TDRD10: variants seen among roughly 807,000 people sequenced by gnomAD.
TDRD10 encodes tudor domain-containing protein 10.
Under a neutral mutation model 48.0 loss-of-function variants are expected in TDRD10, and 40 were observed. The observed-to-expected ratio is 0.83, with a 90% CI of 0.65 to 1.09. The LOEUF (loss-of-function observed/expected upper bound fraction) is 1.09, where lower values mean the gene tolerates loss of function less well. TDRD10 is among the 50% of genes least tolerant of loss of function. The pLI is 0.00. For synonymous variants in TDRD10, 162 were observed against 170.4 expected, an observed-to-expected ratio of 0.95 and a Z score of 0.38; for missense variants, 378 against 434.7, an observed-to-expected ratio of 0.87 and a Z score of 1.16.
intron 1 of TDRD10, among the ~76,000 whole-genome samples, chr1:154,505,387 C>G (rs1214215303): frequency 6.6e-6 from 1 of 152,162 alleles, no homozygotes; most frequent in Non-Finnish European, 1.5e-5. Context: ...CCAGAGATTA[C>G]CAGGAACTGG....
At chr1:154,508,322 C>T in intron 3 of TDRD10, 101 bp from the exon 4 acceptor site, 2 of 803,456 alleles carry the variant, frequency 2.5e-6, no homozygotes, top group Admixed American at 4.0e-5. Flanking sequence ...TGAGACCAGA[C>T]TGGGCAACAT....
chr1:154,536,749 G>A (rs961373018), intron 6 of TDRD10, among the ~76,000 whole-genome samples: 1 of 152,158 alleles, frequency 6.6e-6, no homozygotes, highest in African/African-American at 2.4e-5. Flanking sequence ...TCCTGTAAAT[G>A]GCATCAGGCT....
intron 1 of TDRD10, 96 bp from the exon 2 acceptor site, chr1:154,506,781 G>A: frequency 3.8e-6 from 4 of 1,057,840 alleles, no homozygotes; most frequent in African/African-American, 1.6e-5. Context: ...TTTTGGTTGG[G>A]GAGGCATTAT....
chr1:154,546,485 G>GTGATA (rs1481042880), intron 11 of TDRD10, among the ~76,000 whole-genome samples: 3 of 139,480 alleles, frequency 2.2e-5, no homozygotes, highest in Non-Finnish European at 4.6e-5. Context: ...TATATAATAC[G>GTGATA]TGATATATAT....
chr1:154,547,599 G>T (rs377635961), intron 12 of TDRD10, 79 bp from the exon 13 acceptor site: 1 of 1,614,184 alleles, frequency 6.2e-7, no homozygotes, highest in Non-Finnish European at 8.5e-7. Context: ...TAGATCAAAC[G>T]AACTGGTTAT....
At chr1:154,507,115 A>G (rs1288349017) in intron 2 of TDRD10, 126 bp from the exon 3 acceptor site, 6 of 1,533,616 alleles carry the variant, frequency 3.9e-6, no homozygotes, top group African/African-American at 1.4e-5. Context: ...TGGGAGGAGG[A>G]AGGGAAGCCT....
At chr1:154,547,315 C>G (rs1695655677) in intron 11 of TDRD10, 94 bp from the exon 12 acceptor site, 1 of 1,392,198 alleles carries the variant, frequency 7.2e-7, no homozygotes, top group Non-Finnish European at 1.0e-6. Context: ...GGCCAGAGCA[C>G]TTTCCCTGCA....
intron 6 of TDRD10, among the ~76,000 whole-genome samples, chr1:154,532,545 G>A (rs1240235154): frequency 6.6e-6 from 1 of 152,224 alleles, no homozygotes; most frequent in Non-Finnish European, 1.5e-5. Flanking sequence ...GGGCTGAAGG[G>A]CTCCTCAAGC....
chr1:154,526,203 CAAA>C (rs58688953), intron 6 of TDRD10, among the ~76,000 whole-genome samples: 28 of 110,394 alleles, frequency 2.5e-4, no homozygotes, highest in Admixed American at 3.7e-4. Flanking sequence ...GACTTCATCT[CAAA>C]AAAAAAAAAA....
intron 9 of TDRD10, 65 bp from the exon 10 acceptor site, chr1:154,544,307 C>A: frequency 6.5e-7 from 1 of 1,547,822 alleles, no homozygotes. Context: ...TAACAGGTGA[C>A]GTCTACGGAG....
At chr1:154,540,032 G>T (rs959323456) in intron 6 of TDRD10, among the ~76,000 whole-genome samples, 1 of 152,202 alleles carries the variant, frequency 6.6e-6, no homozygotes, top group African/African-American at 2.4e-5. Context: ...GCATCCATTG[G>T]TACAGCCTTG....
Position 154,512,644 on chromosome 1 carries a change from A to G in TDRD10, c.141+4163A>G, listed in dbSNP as rs1229896440. ...CAGGCGAGAGGTACTGCACCCGGTGACTTTTTCCTCTTTTAAGATGCATAT... is the reference window on the plus strand; with the variant it reads ...CAGGCGAGAGGTACTGCACCCGGTGGCTTTTTCCTCTTTTAAGATGCATAT... On this transcript the variant is annotated intron_variant, in intron 4 of 12. Coordinates refer to ENST00000368482, the MANE Select transcript of TDRD10 (RefSeq NM_182499.4). Among the ~76,000 whole-genome samples the G allele has an allele frequency of 5.9e-5, 9 of 152,078 alleles. No homozygotes were observed. In the East Asian group the frequency reaches 1.7e-3, roughly 29 times the overall value.
chr1:154,533,730 TG>T (rs983804363), intron 6 of TDRD10, among the ~76,000 whole-genome samples: 2 of 151,980 alleles, frequency 1.3e-5, no homozygotes, highest in African/African-American at 4.8e-5. Flanking sequence ...CTCGAACTCC[TG>T]GGCTCAAGCA....
At position 154,544,056 on chromosome 1, in the gene TDRD10, GGTGAC is replaced by G. The variant is rs1260849442; in HGVS notation, c.599_603del (p.Val200GlufsTer16). On this transcript the variant is annotated frameshift_variant, in exon 9 of 13. Coordinates refer to ENST00000368482, the MANE Select transcript of TDRD10 (RefSeq NM_182499.4). LOFTEE classifies it high-confidence loss of function. ...GCGTCCGTGGGGAGGCGGGGCTGCTGGTGACGAGTATCGTCCCGAAGACCCCGTTT... is the reference window on the plus strand; with the variant it reads ...GCGTCCGTGGGGAGGCGGGGCTGCTGGAGTATCGTCCCGAAGACCCCGTTT... The G allele has an allele frequency of 1.2e-6, 2 of 1,614,194 alleles. No individual in the cohort carries two copies. The highest frequency in any genetic ancestry group is 1.6e-4 in the Middle Eastern group (1 of 6,062).
At chr1:154,510,269 G>A (rs1315886497) in intron 4 of TDRD10, among the ~76,000 whole-genome samples, 1 of 150,678 alleles carries the variant, frequency 6.6e-6, no homozygotes, top group Non-Finnish European at 1.5e-5. Context: ...AATTTTGAAT[G>A]GTAACATTAA....
At chr1:154,541,807 T>TGGA in intron 6 of TDRD10, 1 of 519,296 alleles carries the variant, frequency 1.9e-6, no homozygotes. Context: ...CCCTGCTCCC[T>TGGA]GCCTTCCCTG....
chr1:154,524,399 T>C (rs183334427), intron 6 of TDRD10, among the ~76,000 whole-genome samples: 2 of 152,304 alleles, frequency 1.3e-5, no homozygotes, highest in Non-Finnish European at 2.9e-5. Context: ...ACTCCTGGGC[T>C]TAAGTGATCT....
Position 154,506,397 on chromosome 1 carries a change from A to T in TDRD10, c.-27-480A>T, listed in dbSNP as rs1468015232. Among the ~76,000 whole-genome samples the T allele has an allele frequency of 1.2e-4, 17 of 136,870 alleles. No homozygotes were observed. In the East Asian group the frequency reaches 3.0e-3, roughly 24 times the overall value. The allele number at this position is 136,870 out of a possible 152,430, so 89.8% of individuals were successfully genotyped here. A position where few individuals can be genotyped will look rare whatever the true frequency, so the allele number is the denominator to read the frequency against. ...GTCTCTCTCTTTTTTTTTTTTTGAGATGTTGTCTCACTCTGTCGCCCAGGC... is the reference window on the plus strand; with the variant it reads ...GTCTCTCTCTTTTTTTTTTTTTGAGTTGTTGTCTCACTCTGTCGCCCAGGC... On this transcript the variant is annotated intron_variant, in intron 1 of 12. Transcript: ENST00000368482.
At chr1:154,541,075 G>C (rs979077304) in intron 6 of TDRD10, among the ~76,000 whole-genome samples, 2 of 152,158 alleles carry the variant, frequency 1.3e-5, no homozygotes, top group Admixed American at 1.3e-4. Flanking sequence ...TGCAGTGAGA[G>C]GAGCACAGAA....
Sources: gnomAD v4.1 joint callset for allele counts (sites outside exome capture counted in the v4.1 genomes callset) on GRCh38, gnomAD v4.1.1 for gene constraint, MANE v1.5 for transcripts, NCBI Gene and HGNC (gene_info 2026-07-23, HGNC 2026-07-21) for gene names.